C6orf58: variants seen among roughly 807,000 people sequenced by gnomAD.
C6orf58 encodes the protein chromosome 6 open reading frame 58.
A neutral mutation model predicts 37.0 loss-of-function variants in C6orf58; 30 were observed. The observed-to-expected ratio is 0.81, with a 90% CI of 0.61 to 1.10. The LOEUF is 1.10. Among genes scored for constraint, C6orf58 ranks in the 50% least tolerant of loss-of-function variants. C6orf58 has a pLI of 0.00. For synonymous variants in C6orf58, 143 were observed against 134.1 expected (o/e 1.07, Z -0.46); for missense variants, 368 against 387.5 (o/e 0.95, Z 0.42).
At chr6:127,579,891 A>G (rs971412339) in intron 2 of C6orf58, among the ~76,000 whole-genome samples, 8 of 152,106 alleles carry the variant, frequency 5.3e-5, no homozygotes, top group East Asian at 1.9e-4. Flanking sequence ...TACAAGTACA[A>G]TTCACAATAA....
In C6orf58 at chr6:127,591,562, A is replaced by G. The variant is rs778979581; in HGVS notation, c.933A>G (p.Lys311=). 1.3e-5 allele frequency: 20 copies of G among 1,523,128 alleles called. 1 individual carries two copies. In the South Asian group the frequency reaches 2.3e-4, roughly 18 times the overall value. The allele number at this position is 1,523,128 out of a possible 1,614,324, so 94.4% of individuals were successfully genotyped here. The change falls in exon 6 of 6, where the codon AAA becomes AAG. Residue 311 remains lysine (K), a synonymous_variant. Coordinates refer to ENST00000329722, the MANE Select transcript of C6orf58 (RefSeq NM_001010905.3). ...DKSIGYLCTE[K]SNVYRDHSES... ...TTACAGGTTATCTTTGTACAGAAAAATCTAATGTATATAGAGATCATTCGG... is the reference window on the plus strand; with the variant it reads ...TTACAGGTTATCTTTGTACAGAAAAGTCTAATGTATATAGAGATCATTCGG...
At chr6:127,582,220 A>G (rs1191197239) in intron 4 of C6orf58, among the ~76,000 whole-genome samples, 2 of 152,154 alleles carry the variant, frequency 1.3e-5, no homozygotes, top group Admixed American at 1.3e-4. Flanking sequence ...ACCATTTGAC[A>G]TAGAATGAAT....
chr6:127,577,346 C>T lies in C6orf58; in HGVS notation c.161C>T (p.Pro54Leu). The T allele has an allele frequency of 6.2e-7, 1 of 1,613,578 alleles. No individual in the cohort carries two copies. The highest frequency in any genetic ancestry group is 1.1e-5 in the South Asian group (1 of 91,062). The change falls in exon 1 of 6, where the codon CCC (proline) becomes CTC (leucine). Residue 54 changes from proline to leucine, a missense_variant. Physicochemically the swap from Pro to Leu is moderately conservative, Grantham distance 98. Transcript: ENST00000329722. Reference sequence around the variant, plus strand: ...GAGAACAGCATGTACATTATTAATCCCTGGGTATACCTTGAGAGAATGGGG... The same window carrying T: ...GAGAACAGCATGTACATTATTAATCTCTGGGTATACCTTGAGAGAATGGGG... ...RVENSMYIIN[P>L]WVYLERMGMY...
intron 4 of C6orf58, among the ~76,000 whole-genome samples, chr6:127,586,112 C>T (rs1214422491): frequency 1.3e-5 from 2 of 152,042 alleles, no homozygotes; most frequent in Non-Finnish European, 2.9e-5. Context: ...AACTGTTGTG[C>T]CAGTAATCTG....
At chr6:127,587,907 A>G (rs1453080194) in intron 4 of C6orf58, among the ~76,000 whole-genome samples, 1 of 152,230 alleles carries the variant, frequency 6.6e-6, no homozygotes, top group African/African-American at 2.4e-5. Context: ...AGGCAAATTG[A>G]CAGGGTTTAA....
intron 5 of C6orf58, among the ~76,000 whole-genome samples, 164 bp downstream of exon 5, chr6:127,590,489 T>C (rs933136989): frequency 6.6e-6 from 1 of 152,138 alleles, no homozygotes; most frequent in Non-Finnish European, 1.5e-5. Flanking sequence ...TCTTGATATA[T>C]AGAACCATTT....
intron 4 of C6orf58, among the ~76,000 whole-genome samples, chr6:127,589,431 A>G (rs1340497964): frequency 1.3e-5 from 2 of 152,220 alleles, no homozygotes; most frequent in African/African-American, 4.8e-5. Flanking sequence ...TTATAGTTCT[A>G]AAACTACTGA....
intron 4 of C6orf58, among the ~76,000 whole-genome samples, chr6:127,585,947 A>G (rs1158414053): frequency 6.6e-6 from 1 of 152,156 alleles, no homozygotes; most frequent in Non-Finnish European, 1.5e-5. Flanking sequence ...ATATCCTCAT[A>G]TATTATAGCT....
At chr6:127,590,628 T>A (rs1014817402) in intron 5 of C6orf58, among the ~76,000 whole-genome samples, 1 of 151,848 alleles carries the variant, frequency 6.6e-6, no homozygotes, top group African/African-American at 2.4e-5. Context: ...ATATTCCTTA[T>A]TTTGCTCATC....
rs76608983 is a variant in C6orf58 at position 127,584,158 on chromosome 6, C to G, written c.674+2876C>G. On this transcript the variant is annotated intron_variant, in intron 4 of 5. Coordinates refer to ENST00000329722, the MANE Select transcript of C6orf58 (RefSeq NM_001010905.3). ...TCACTATTGTTATAGCATTTGCCTT[C>G]TCGCATAGAAAAGCACTTATAAAAC... 9.1e-3 allele frequency among the ~76,000 whole-genome samples: 1,385 copies of G among 152,302 alleles called. 19 individuals are homozygous for G. The highest frequency in any genetic ancestry group is 0.031 in the African/African-American group (1,307 of 41,566).
chr6:127,577,634 C>T (rs575614065), intron 1 of C6orf58, 148 bp downstream of exon 1: 373 of 709,392 alleles, frequency 5.3e-4, no homozygotes, highest in Non-Finnish European at 7.7e-4. Flanking sequence ...TGTTTTTCTA[C>T]CTATCCTTCT....
At chr6:127,579,392 C>T (rs527490850) in intron 2 of C6orf58, among the ~76,000 whole-genome samples, 54 of 152,210 alleles carry the variant, frequency 3.5e-4, no homozygotes, top group African/African-American at 1.3e-3. Flanking sequence ...TTCAGGGCAA[C>T]ACACATCATA....
At chr6:127,584,129 C>T (rs1032486265) in intron 4 of C6orf58, among the ~76,000 whole-genome samples, 7 of 152,150 alleles carry the variant, frequency 4.6e-5, no homozygotes, top group African/African-American at 1.4e-4. Flanking sequence ...TTCTAATAAC[C>T]TTTTCACTAT....
At chr6:127,584,391 A>T (rs966943335) in intron 4 of C6orf58, among the ~76,000 whole-genome samples, 1 of 152,240 alleles carries the variant, frequency 6.6e-6, no homozygotes, top group Admixed American at 6.5e-5. Flanking sequence ...TATCTCTTCC[A>T]TGATGAGTAT....
rs745556346 is a variant in C6orf58 at position 127,577,275 on chromosome 6, C to T, written c.90C>T (p.Pro30=). 10 of 1,611,170 alleles carry T rather than the reference C, an allele frequency of 6.2e-6. No homozygotes were observed. The highest frequency in any genetic ancestry group is 2.5e-6 in the Non-Finnish European group (3 of 1,177,572). ...CTTCCAATCTCTCAGAGACAGAGCC[C>T]CCTCTGTGGAAGGAGAGTCCTGGTC... ...AGTSNLSETE[P]PLWKESPGQL... is the part of the protein sequence containing the mutation. The change falls in exon 1 of 6, where the codon CCC becomes CCT. Residue 30 remains proline (P), a synonymous_variant. Coordinates refer to ENST00000329722, the MANE Select transcript of C6orf58 (RefSeq NM_001010905.3).
At chr6:127,584,558 C>T (rs1424317794) in intron 4 of C6orf58, among the ~76,000 whole-genome samples, 2 of 152,080 alleles carry the variant, frequency 1.3e-5, no homozygotes, top group Non-Finnish European at 2.9e-5. Flanking sequence ...AGGCAGATCA[C>T]GAGGTCAGGA....
intron 3 of C6orf58, 121 bp downstream of exon 3, chr6:127,580,570 A>T: frequency 1.5e-6 from 1 of 665,936 alleles, no homozygotes; most frequent in East Asian, 2.7e-5. Context: ...ATTGCTATGC[A>T]TGATATATTA....
At chr6:127,588,391 A>G (rs1207981613) in intron 4 of C6orf58, among the ~76,000 whole-genome samples, 2 of 152,192 alleles carry the variant, frequency 1.3e-5, no homozygotes, top group East Asian at 3.8e-4. Context: ...GGGATTGGAG[A>G]ACAACTGGGG....
intron 1 of C6orf58, among the ~76,000 whole-genome samples, chr6:127,578,188 A>G (rs1463105784): frequency 1.3e-5 from 2 of 152,170 alleles, no homozygotes; most frequent in Non-Finnish European, 2.9e-5. Context: ...TAATATTTAC[A>G]TAATGCATAT....
Sources: allele counts gnomAD v4.1 joint callset (sites outside exome capture counted in the v4.1 genomes callset), GRCh38; gene constraint gnomAD v4.1.1; transcripts MANE v1.5; gene names NCBI Gene and HGNC (gene_info 2026-07-23, HGNC 2026-07-21).